The following PRKCA variants were observed in gnomAD, a reference collection of about 807,000 sequenced individuals.
PRKCA encodes the protein protein kinase C alpha.
A neutral mutation model predicts 87.0 loss-of-function variants in PRKCA; 27 were observed. That is an observed-to-expected ratio of 0.31 (90% CI 0.23 to 0.43). The LOEUF (loss-of-function observed/expected upper bound fraction) is 0.43. PRKCA is among the 20% of genes least tolerant of loss of function. The pLI is 1.00. For synonymous variants in PRKCA, 329 were observed against 311.1 expected (o/e 1.06, Z -0.61); for missense variants, 518 against 852.3 (o/e 0.61, Z 4.88).
At chr17:66,697,802 C>A (rs1256564303) in intron 8 of PRKCA, among the ~76,000 whole-genome samples, 2 of 152,076 alleles carry the variant, frequency 1.3e-5, no homozygotes, top group Non-Finnish European at 2.9e-5. Flanking sequence ...CCCCCACCCC[C>A]AGACTGAGTC....
intron 2 of PRKCA, among the ~76,000 whole-genome samples, chr17:66,388,886 C>A (rs986788691): frequency 6.6e-6 from 1 of 152,110 alleles, no homozygotes; most frequent in Non-Finnish European, 1.5e-5. Context: ...TACTCCAGTA[C>A]GTTGCTTCGG....
At chr17:66,776,377 C>A (rs1472610456) in intron 14 of PRKCA, among the ~76,000 whole-genome samples, 1 of 152,122 alleles carries the variant, frequency 6.6e-6, no homozygotes, top group Non-Finnish European at 1.5e-5. Flanking sequence ...GTGGCGCGAT[C>A]TCAGCTCACT....
intron 3 of PRKCA, among the ~76,000 whole-genome samples, chr17:66,582,854 C>A (rs1241010547): frequency 2.0e-5 from 3 of 152,138 alleles, no homozygotes; most frequent in Non-Finnish European, 4.4e-5. Flanking sequence ...CCAGAGGAGG[C>A]CTGCATTCCA....
At chr17:66,485,474 G>A (rs1915956419) in intron 2 of PRKCA, among the ~76,000 whole-genome samples, 1 of 152,168 alleles carries the variant, frequency 6.6e-6, no homozygotes, top group Non-Finnish European at 1.5e-5. Flanking sequence ...TCCATGCTGT[G>A]AGAGCTCATT....
chr17:66,576,412 A>G lies in PRKCA; in HGVS notation c.289-64943A>G, dbSNP rs1344264950. Among the ~76,000 whole-genome samples the G allele has an allele frequency of 3.3e-5, 5 of 152,242 alleles. No individual in the cohort carries two copies. The East Asian group carries it at 5.8e-4, about 18-fold the overall frequency. On this transcript the variant is annotated intron_variant, in intron 3 of 16. Transcript: ENST00000413366. ...TAAAGCATGAGATGGGCTTAAGCCC[A>G]TACTATAGAGACCATTAAGATGCAG...
At chr17:66,399,776 G>A (rs953897161) in intron 2 of PRKCA, among the ~76,000 whole-genome samples, 1 of 152,150 alleles carries the variant, frequency 6.6e-6, no homozygotes, top group African/African-American at 2.4e-5. Flanking sequence ...ATTGTAGCAT[G>A]TGACAGGCTT....
intron 3 of PRKCA, among the ~76,000 whole-genome samples, chr17:66,636,147 T>A (rs1971146452): frequency 6.6e-6 from 1 of 152,102 alleles, no homozygotes; most frequent in South Asian, 2.1e-4. Context: ...CCCACAGAAG[T>A]AAAATGCATC....
chr17:66,683,497 G>C (rs1457295368), intron 5 of PRKCA, among the ~76,000 whole-genome samples: 1 of 152,164 alleles, frequency 6.6e-6, no homozygotes, highest in Non-Finnish European at 1.5e-5. Flanking sequence ...CCAGGGATCA[G>C]TGTTTGACTA....
intron 3 of PRKCA, among the ~76,000 whole-genome samples, chr17:66,562,108 A>T (rs1345949864): frequency 8.9e-6 from 1 of 112,278 alleles, no homozygotes; most frequent in Non-Finnish European, 1.7e-5. Context: ...TAATTAAATT[A>T]TATATATAAT....
At chr17:66,714,246 T>A (rs1257343813) in intron 8 of PRKCA, among the ~76,000 whole-genome samples, 1 of 151,442 alleles carries the variant, frequency 6.6e-6, no homozygotes, top group East Asian at 1.9e-4. Context: ...TTGGGGAGAA[T>A]GCCCCCTTGT....
intron 3 of PRKCA, among the ~76,000 whole-genome samples, chr17:66,520,961 A>C (rs1967140490): frequency 6.6e-6 from 1 of 152,196 alleles, no homozygotes; most frequent in Non-Finnish European, 1.5e-5. Context: ...ATGATTTAAA[A>C]GTCTCCATGC....
At chr17:66,340,155 T>TA (rs1267731599) in intron 2 of PRKCA, 1 of 152,144 alleles carries the variant, frequency 6.6e-6, no homozygotes, top group Non-Finnish European at 1.5e-5. Context: ...GGGAAACAGA[T>TA]AAAAAGGACA....
chr17:66,789,077 C>A, intron 16 of PRKCA, 98 bp downstream of exon 16: 1 of 1,463,658 alleles, frequency 6.8e-7, no homozygotes, highest in Non-Finnish European at 9.4e-7. Flanking sequence ...GGCCGGTGCC[C>A]CTGGCTTGTA....
intron 3 of PRKCA, among the ~76,000 whole-genome samples, chr17:66,542,913 A>G (rs1256906719): frequency 6.6e-6 from 1 of 152,200 alleles, no homozygotes; most frequent in Non-Finnish European, 1.5e-5. Context: ...TCAATGAGGT[A>G]TTTTTCAAGT....
At chr17:66,405,290 A>G (rs553986543) in intron 2 of PRKCA, among the ~76,000 whole-genome samples, 117 of 152,350 alleles carry the variant, frequency 7.7e-4, no homozygotes, top group Admixed American at 1.2e-3. Context: ...CTGAAGTGCC[A>G]TTACTTAAAC....
At chr17:66,327,093 A>G (rs1481126797) in intron 2 of PRKCA, among the ~76,000 whole-genome samples, 1 of 151,904 alleles carries the variant, frequency 6.6e-6, no homozygotes, top group Non-Finnish European at 1.5e-5. Context: ...ATAATAGGCC[A>G]GGCGTGGTGG....
intron 2 of PRKCA, among the ~76,000 whole-genome samples, chr17:66,319,395 G>A (rs1412506475): frequency 2.0e-5 from 3 of 152,122 alleles, no homozygotes; most frequent in South Asian, 2.1e-4. Flanking sequence ...TGACTTACCC[G>A]TTGGTGAAGA....
chr17:66,643,600 C>T (rs1158617836), intron 4 of PRKCA, among the ~76,000 whole-genome samples: 1 of 152,002 alleles, frequency 6.6e-6, no homozygotes, highest in Non-Finnish European at 1.5e-5. Flanking sequence ...TTTTGAAAAC[C>T]GCTGACCTGG....
chr17:66,724,283 G>A (rs912341111), intron 8 of PRKCA, among the ~76,000 whole-genome samples: 5 of 143,944 alleles, frequency 3.5e-5, no homozygotes, highest in Non-Finnish European at 7.5e-5. Flanking sequence ...GCGACAGAGC[G>A]AGACTCCATC....
Sources: gnomAD v4.1 joint callset for allele counts (sites outside exome capture counted in the v4.1 genomes callset) on GRCh38, gnomAD v4.1.1 for gene constraint, MANE v1.5 for transcripts, NCBI Gene and HGNC (gene_info 2026-07-23, HGNC 2026-07-21) for gene names.